The following ZNF624 variants were observed in gnomAD, a reference collection of about 807,000 sequenced individuals.
The protein encoded by ZNF624 is zinc finger protein 624.
Under a neutral mutation model 74.7 loss-of-function variants are expected in ZNF624, and 43 were observed. That is an observed-to-expected ratio of 0.58 (90% CI 0.45 to 0.74). ZNF624 has a LOEUF of 0.74. Ranked by LOEUF, ZNF624 falls within the 30% of genes least tolerant of loss-of-function variation. ZNF624 has a pLI of 0.00. For synonymous variants in ZNF624, 331 were observed against 341.3 expected (o/e 0.97, Z 0.33); for missense variants, 820 against 1,030.0 (o/e 0.80, Z 2.79).
Position 16,624,327 on chromosome 17 carries a change from T to C in ZNF624, c.559A>G (p.Ser187Gly). ...TTCTTGAGTGGAATTATTCTTTGAC[T>C]CAAATGATTCTCCTGATTATTTTGT... ...RLQNNQENHL[S>G]QRIIPLKKTP... The change falls in exon 6 of 6, where the codon AGT becomes GGT. Residue 187 changes from serine (S) to glycine (G), a missense_variant. Transcript: ENST00000311331. The C allele has an allele frequency of 3.1e-6, 5 of 1,613,520 alleles. No individual in the cohort carries two copies. Among genetic ancestry groups the C allele is most frequent in the Non-Finnish European group, 4.2e-6 (5 of 1,179,870 alleles).
intron 5 of ZNF624, among the ~76,000 whole-genome samples, chr17:16,633,497 C>T (rs964600078): frequency 6.6e-6 from 1 of 151,992 alleles, no homozygotes; most frequent in Non-Finnish European, 1.5e-5. Context: ...GAAGCATTTT[C>T]AGGTAAATGA....
downstream of ZNF624, among the ~76,000 whole-genome samples, chr17:16,618,700 T>A (rs944345985): frequency 1.3e-5 from 2 of 152,192 alleles, no homozygotes; most frequent in Non-Finnish European, 2.9e-5. Flanking sequence ...CACCTTAGCC[T>A]GCTCAACGTG....
At chr17:16,648,076 T>C (rs562232563) in intron 2 of ZNF624, among the ~76,000 whole-genome samples, 5 of 151,844 alleles carry the variant, frequency 3.3e-5, no homozygotes, top group Non-Finnish European at 5.9e-5. Flanking sequence ...GCTGGGACTA[T>C]AGGCACACAC....
At position 16,622,870 on chromosome 17, in the gene ZNF624, T is replaced by C. The variant is rs866619525; in HGVS notation, c.2016A>G (p.Glu672=). The part of the protein sequence containing the change: ...HTGEKPYKCN[E]CEKAFTNTSQ... ...ATGTATTAGTGAAGGCTTTCTCACA[T>C]TCATTACATTTATATGGTTTTTCTC... The change falls in exon 6 of 6, where the codon GAA becomes GAG. Residue 672 remains glutamate (E), a synonymous_variant. Transcript: ENST00000311331. The C allele has an allele frequency of 6.2e-7, 1 of 1,613,976 alleles. No homozygotes were observed. The highest frequency in any genetic ancestry group is 8.5e-7 in the Non-Finnish European group (1 of 1,179,928).
At position 16,647,490 on chromosome 17, in the gene ZNF624, T is replaced by C. The variant is rs2142652875; in HGVS notation, c.88-96A>G. ...CCACCAATCCACTGTGGATGCAGTG[T>C]ATACAGGATGACCTCACCTACTGTT... is the stretch of plus-strand genomic sequence containing the variant. On this transcript the variant is annotated intron_variant, in intron 2 of 5. Transcript: ENST00000311331. 3 of 986,724 alleles carry C rather than the reference T, an allele frequency of 3.0e-6. No individual in the cohort carries two copies. The South Asian group carries it at 4.0e-5, about 13-fold the overall frequency. 61.1% of individuals were successfully genotyped at this position (986,724 alleles called of 1,614,324 possible). A position where few individuals can be genotyped will look rare whatever the true frequency, so the allele number is the denominator to read the frequency against.
At chr17:16,652,369 A>C (rs1909746546) in intron 1 of ZNF624, among the ~76,000 whole-genome samples, 1 of 152,132 alleles carries the variant, frequency 6.6e-6, no homozygotes, top group South Asian at 2.1e-4. Context: ...ACCTACAAAG[A>C]GCAACATAAG....
In ZNF624 at chr17:16,649,673, G is replaced by C; in HGVS notation, c.72C>G (p.Phe24Leu). 6.2e-7 allele frequency: 1 copy of C among 1,614,050 alleles called. No individual in the cohort carries two copies. Among genetic ancestry groups the C allele is most frequent in the South Asian group, 1.1e-5 (1 of 91,062 alleles). ...PEGEIMAAVF[F>L]SVGRLSPEVT... ...CCCAACTTACCAGGCGTCCAACTGA[G>C]AAAAACACAGCAGCCATAATCTCTC... Residue 24 changes from phenylalanine (F) to leucine (L), a missense_variant, in exon 2 of 6, where the codon TTC becomes TTG. Phe to Leu is a conservative substitution (Grantham distance 22, BLOSUM62 0). Coordinates refer to ENST00000311331, the MANE Select transcript of ZNF624 (RefSeq NM_020787.4).
intron 2 of ZNF624, among the ~76,000 whole-genome samples, chr17:16,648,167 C>T (rs1389791779): frequency 3.3e-5 from 5 of 151,756 alleles, no homozygotes; most frequent in Non-Finnish European, 1.5e-5. Flanking sequence ...TGGTCTTGAA[C>T]TCCTGGGCTC....
chr17:16,644,805 C>T (rs771677048), intron 3 of ZNF624, among the ~76,000 whole-genome samples: 8 of 152,132 alleles, frequency 5.3e-5, no homozygotes, highest in Non-Finnish European at 1.2e-4. Context: ...CATAATTACC[C>T]GTTTTGAGCA....
chr17:16,616,634 T>C (rs1908797355), downstream of ZNF624, among the ~76,000 whole-genome samples: 1 of 152,254 alleles, frequency 6.6e-6, no homozygotes. Context: ...AAATCATAGT[T>C]ATCTTAATTC....
At chr17:16,643,699 AT>A (rs145933190) in intron 3 of ZNF624, among the ~76,000 whole-genome samples, 8,785 of 152,328 alleles carry the variant, frequency 0.058, 300 homozygotes, top group Middle Eastern at 0.11. Flanking sequence ...GTCATTAAAA[AT>A]ACTGCCAGAA....
intron 5 of ZNF624, chr17:16,631,368 A>G (rs1909203435): frequency 6.6e-6 from 1 of 152,216 alleles, no homozygotes; most frequent in Admixed American, 6.5e-5. Context: ...ATAAAATAAT[A>G]AAGAACAGAA....
At chr17:16,624,615 T>G in intron 5 of ZNF624, 106 bp from the exon 6 acceptor site, 1 of 1,046,610 alleles carries the variant, frequency 9.6e-7, no homozygotes, top group Non-Finnish European at 1.3e-6. Flanking sequence ...AATATATGGT[T>G]TTAATTGCTT....
intron 3 of ZNF624, among the ~76,000 whole-genome samples, chr17:16,646,361 G>A (rs950907222): frequency 1.3e-5 from 2 of 152,162 alleles, no homozygotes; most frequent in African/African-American, 4.8e-5. Flanking sequence ...ATCTCAGAAT[G>A]TATTTTCTCA....
At chr17:16,650,298 C>T (rs1470830097) in intron 1 of ZNF624, among the ~76,000 whole-genome samples, 4 of 151,952 alleles carry the variant, frequency 2.6e-5, no homozygotes, top group East Asian at 1.9e-4. Flanking sequence ...GAGAACACTA[C>T]GACTTCAAAA....
In ZNF624 at chr17:16,622,378, A is replaced by G; in HGVS notation, c.2508T>C (p.Tyr836=). ...HLRMHTGEKP[Y]KCNECGKAFR... is the part of the protein sequence containing the mutation. ...AGGCTTTTCCACATTCATTACATTT[A>G]TAGGGTTTTTCTCCAGTATGCATCC... Residue 836 remains tyrosine, a synonymous_variant, in exon 6 of 6, where the codon TAT becomes TAC. Coordinates refer to ENST00000311331, the MANE Select transcript of ZNF624 (RefSeq NM_020787.4). 6.2e-7 allele frequency: 1 copy of G among 1,613,820 alleles called. No homozygotes were observed. Among genetic ancestry groups the G allele is most frequent in the Non-Finnish European group, 8.5e-7 (1 of 1,179,856 alleles).
chr17:16,634,494 AGAGT>A (rs1909279567), intron 4 of ZNF624, 132 bp downstream of exon 4: 3 of 862,910 alleles, frequency 3.5e-6, no homozygotes, highest in Middle Eastern at 2.5e-4. Flanking sequence ...CATGTAGTTA[AGAGT>A]GAGGAATAGC....
chr17:16,645,945 CAAAAAAA>C (rs35486112), intron 3 of ZNF624, among the ~76,000 whole-genome samples: 4 of 56,066 alleles, frequency 7.1e-5, no homozygotes, highest in Non-Finnish European at 1.3e-4. Flanking sequence ...GACTCCATCT[CAAAAAAA>C]AAAAAAAAAA....
chr17:16,616,519 A>G (rs1908794557), downstream of ZNF624, among the ~76,000 whole-genome samples: 1 of 152,244 alleles, frequency 6.6e-6, no homozygotes, highest in Non-Finnish European at 1.5e-5. Flanking sequence ...ACAACAAAAA[A>G]ACCCTGCCAG....
Sources: gnomAD v4.1 joint callset for allele counts (sites outside exome capture counted in the v4.1 genomes callset) on GRCh38, gnomAD v4.1.1 for gene constraint, MANE v1.5 for transcripts, NCBI Gene and HGNC (gene_info 2026-07-23, HGNC 2026-07-21) for gene names.